LIG1: variants seen among roughly 807,000 people sequenced by gnomAD.
The protein encoded by LIG1 is ligase I, DNA, ATP-dependent.
Under a neutral mutation model 115.7 loss-of-function variants are expected in LIG1, and 70 were observed. The observed-to-expected ratio is 0.60, with a 90% CI of 0.50 to 0.74. LIG1 has a LOEUF of 0.74. LIG1 is among the 30% of genes least tolerant of loss of function. The probability of loss-of-function intolerance (pLI) is 0.00; values close to 1 mark genes in which losing one functional copy is unlikely to be tolerated. For synonymous variants in LIG1, 487 were observed against 495.3 expected (o/e 0.98, Z 0.22); for missense variants, 1,115 against 1,225.6 (o/e 0.91, Z 1.35).
intron 14 of LIG1, 121 bp downstream of exon 14, chr19:48,136,887 C>G (rs1400009419): frequency 2.4e-6 from 2 of 825,648 alleles, no homozygotes; most frequent in Non-Finnish European, 4.1e-6. Context: ...GCCTCCTGCT[C>G]ATGCTTTTCT....
rs376357969 is a variant in LIG1 at position 48,163,860 on chromosome 19, G to A, written c.18-1509C>T. 8.6e-5 allele frequency among the ~76,000 whole-genome samples: 13 copies of A among 151,406 alleles called. 1 individual carries two copies. In the East Asian group the frequency reaches 1.8e-3, roughly 21 times the overall value. On this transcript the variant is annotated intron_variant, in intron 2 of 27. Coordinates refer to ENST00000263274, the MANE Select transcript of LIG1 (RefSeq NM_000234.3). Reference sequence around the variant, plus strand: ...CTCAGGAGGCTGAGGCAGGGGAATGGCCTGAACCTGGGAGGCAGAGCTTAC... The same window carrying A: ...CTCAGGAGGCTGAGGCAGGGGAATGACCTGAACCTGGGAGGCAGAGCTTAC...
chr19:48,129,999 A>T (rs1004680163), intron 19 of LIG1, among the ~76,000 whole-genome samples: 2 of 151,816 alleles, frequency 1.3e-5, no homozygotes, highest in Non-Finnish European at 2.9e-5. Context: ...CAGGTGATCC[A>T]CCCGCCTCAG....
chr19:48,133,376 T>C, intron 17 of LIG1: 2 of 465,442 alleles, frequency 4.3e-6, no homozygotes, highest in Middle Eastern at 6.0e-4. Context: ...CCCTCCCTCC[T>C]CTGCGTCCCT....
intron 4 of LIG1, among the ~76,000 whole-genome samples, chr19:48,160,495 T>G (rs2036111491): frequency 6.6e-6 from 1 of 152,084 alleles, no homozygotes; most frequent in Non-Finnish European, 1.5e-5. Context: ...CCTGGGAGGT[T>G]TCCACAAGGC....
intron 6 of LIG1, among the ~76,000 whole-genome samples, chr19:48,153,126 T>A (rs1336613970): frequency 7.4e-6 from 1 of 135,036 alleles, no homozygotes; most frequent in Non-Finnish European, 1.5e-5. Context: ...GCCTGGGAGG[T>A]GGAGACTGCA....
chr19:48,148,319 C>A (rs1198294017), intron 9 of LIG1, among the ~76,000 whole-genome samples: 1 of 152,012 alleles, frequency 6.6e-6, no homozygotes, highest in Non-Finnish European at 1.5e-5. Context: ...ACTAAAAATA[C>A]AAAAATTAGC....
At chr19:48,134,276 CCT>C (rs2034236050) in intron 16 of LIG1, among the ~76,000 whole-genome samples, 1 of 152,192 alleles carries the variant, frequency 6.6e-6, no homozygotes, top group African/African-American at 2.4e-5. Flanking sequence ...TGGCCTTGCC[CCT>C]GTTCCCTATC....
chr19:48,136,002 G>A (rs1352037843), intron 15 of LIG1, 32 bp downstream of exon 15: 41 of 1,495,794 alleles, frequency 2.7e-5, no homozygotes, highest in South Asian at 6.0e-5. Context: ...TAACTCCAGC[G>A]AGGGATGCAG....
intron 15 of LIG1, 32 bp from the exon 16 acceptor site, chr19:48,135,811 G>T: frequency 6.4e-7 from 1 of 1,573,000 alleles, no homozygotes; most frequent in Non-Finnish European, 8.8e-7. Context: ...GCTTTGGAAG[G>T]CACCCACATC....
chr19:48,151,124 G>A (rs751317087), intron 7 of LIG1, 108 bp downstream of exon 7: 8 of 678,936 alleles, frequency 1.2e-5, no homozygotes, highest in Non-Finnish European at 2.1e-5. Flanking sequence ...CGGCATTTAA[G>A]CAATAAGTTT....
At chr19:48,125,044 C>T (rs1001735196) in intron 21 of LIG1, among the ~76,000 whole-genome samples, 3 of 150,874 alleles carry the variant, frequency 2.0e-5, no homozygotes, top group Admixed American at 6.6e-5. Flanking sequence ...GATGAGGACA[C>T]ATTAAACAGA....
At chr19:48,157,793 C>T (rs1409048125) in intron 4 of LIG1, among the ~76,000 whole-genome samples, 5 of 152,202 alleles carry the variant, frequency 3.3e-5, no homozygotes, top group Non-Finnish European at 4.4e-5. Flanking sequence ...GCGATCCTCC[C>T]GCCTTGGCCT....
chr19:48,133,537 T>C, intron 17 of LIG1: 1 of 310,814 alleles, frequency 3.2e-6, no homozygotes. Flanking sequence ...CCACCTCCCT[T>C]GCTCTGGACA....
At position 48,115,804 on chromosome 19, in the gene LIG1, G is replaced by A. The variant is rs530457880; in HGVS notation, c.2676+69C>T. 125 of 1,578,780 alleles carry A rather than the reference G, an allele frequency of 7.9e-5. 3 individuals carry two copies. In the South Asian group the frequency reaches 1.3e-3, roughly 16 times the overall value. On this transcript the variant is annotated intron_variant, in intron 27 of 27. Transcript: ENST00000263274. ...TCCCACCTCCACAAGGTTCCAGAGA[G>A]GCCACCACGCTAAAAAGCTGGTAGG...
rs770818176 is a variant in LIG1 at position 48,117,659 on chromosome 19, G to C, written c.2562C>G (p.Ile854Met). The C allele has an allele frequency of 1.2e-6, 2 of 1,612,786 alleles. No individual in the cohort carries two copies. The highest frequency in any genetic ancestry group is 1.7e-5 in the Admixed American group (1 of 59,872). Residue 854 changes from isoleucine (I) to methionine (M), a missense_variant, in exon 26 of 28, where the codon ATC becomes ATG. Ile to Met is a conservative substitution (Grantham distance 10). Transcript: ENST00000263274. ...VKCADLSLSP[I>M]YPAARGLVDS... ...TCACCAGGCCCCGCGCAGCAGGGTA[G>C]ATGGGAGAGAGGGAGAGGTCAGCGC...
intron 9 of LIG1, among the ~76,000 whole-genome samples, chr19:48,144,343 C>T (rs940344380): frequency 3.3e-5 from 5 of 152,056 alleles, no homozygotes; most frequent in African/African-American, 7.2e-5. Flanking sequence ...GAGAGAATAG[C>T]GTGTGCAAAG....
At chr19:48,119,286 C>G (rs2033094905) in intron 24 of LIG1, 96 bp from the exon 25 acceptor site, 2 of 980,082 alleles carry the variant, frequency 2.0e-6, no homozygotes, top group Non-Finnish European at 3.2e-6. Flanking sequence ...GGCCCCCACC[C>G]CACTCTGGTC....
Position 48,137,186 on chromosome 19 carries a change from T to C in LIG1, c.1255-102A>G. 1 of 986,014 alleles carries C rather than the reference T, an allele frequency of 1.0e-6. No individual in the cohort carries two copies. Among genetic ancestry groups the C allele is most frequent in the Non-Finnish European group, 1.6e-6 (1 of 633,738 alleles). 61.1% of individuals were successfully genotyped at this position (986,014 alleles called of 1,614,324 possible). A position where few individuals can be genotyped will look rare whatever the true frequency, so the allele number is the denominator to read the frequency against. ...GCCCTGCATTTTGGAATACCTGCCC[T>C]CCTTCCCTCACCCCATCCCCATGTC... On this transcript the variant is annotated intron_variant, in intron 13 of 27. Transcript: ENST00000263274. This position sits in a 1 kb window ranked among gnomAD's most constrained non-coding sequence, Gnocchi z 4.3.
At chr19:48,158,771 C>T (rs1034844119) in intron 4 of LIG1, among the ~76,000 whole-genome samples, 2 of 152,236 alleles carry the variant, frequency 1.3e-5, no homozygotes, top group African/African-American at 4.8e-5. Context: ...ACCCTGGCAT[C>T]TCCCACCCAG....
Sources: gnomAD v4.1 joint callset for allele counts (sites outside exome capture counted in the v4.1 genomes callset) on GRCh38, gnomAD v4.1.1 for gene constraint, Gnocchi (gnomAD v3.1) non-coding constraint, MANE v1.5 for transcripts, NCBI Gene and HGNC (gene_info 2026-07-23, HGNC 2026-07-21) for gene names.